The following JAK2 variants were observed in gnomAD, a reference collection of about 807,000 sequenced individuals.
JAK2 encodes the protein Janus kinase 2, also known as tyrosine-protein kinase JAK2.
Under a neutral mutation model 139.3 loss-of-function variants are expected in JAK2, and 86 were observed. That is an observed-to-expected ratio of 0.62 (90% CI 0.52 to 0.74). The LOEUF is 0.74. Ranked by LOEUF, JAK2 falls within the 30% of genes least tolerant of loss-of-function variation. The pLI is 0.00. For missense variants in JAK2, 1,421 were observed against 1,360.3 expected (o/e 1.04, Z -0.70); for synonymous variants, 490 against 437.7 (o/e 1.12, Z -1.49).
intron 10 of JAK2, among the ~76,000 whole-genome samples, chr9:5,068,378 A>G (rs1818713715): frequency 6.6e-6 from 1 of 152,184 alleles, no homozygotes; most frequent in South Asian, 2.1e-4. Context: ...AATATTAAAG[A>G]TAATTATACA....
chr9:4,999,459 A>G (rs900055528), intron 2 of JAK2, among the ~76,000 whole-genome samples: 1 of 152,218 alleles, frequency 6.6e-6, no homozygotes, highest in African/African-American at 2.4e-5. Flanking sequence ...AGGGGCAAAA[A>G]AGATTACAAA....
chr9:5,017,534 G>C (rs537608873), intron 2 of JAK2, among the ~76,000 whole-genome samples: 1 of 151,922 alleles, frequency 6.6e-6, no homozygotes, highest in African/African-American at 2.4e-5. Flanking sequence ...TTAGCTTTGG[G>C]CTTTGTTCTT....
intron 2 of JAK2, among the ~76,000 whole-genome samples, chr9:4,996,102 T>G (rs1820543966): frequency 6.6e-6 from 1 of 152,200 alleles, no homozygotes; most frequent in Non-Finnish European, 1.5e-5. Context: ...AATTATTAGA[T>G]CTGTGGTTAA....
At chr9:5,040,124 G>T (rs975667323) in intron 4 of JAK2, among the ~76,000 whole-genome samples, 4 of 152,196 alleles carry the variant, frequency 2.6e-5, no homozygotes, top group Non-Finnish European at 4.4e-5. Context: ...TTAATGGAAA[G>T]GAATTGACAG....
At chr9:5,078,649 G>A (rs1340207593) in intron 16 of JAK2, among the ~76,000 whole-genome samples, 1 of 152,038 alleles carries the variant, frequency 6.6e-6, no homozygotes, top group Admixed American at 6.5e-5. Context: ...TGGACTGTGA[G>A]GTGATTTTTT....
chr9:5,123,749 C>G (rs547597441), intron 23 of JAK2, among the ~76,000 whole-genome samples: 1 of 152,016 alleles, frequency 6.6e-6, no homozygotes, highest in Non-Finnish European at 1.5e-5. Flanking sequence ...AGAGGTTGTA[C>G]AAATGCACAT....
rs771958824 is a variant in JAK2, at chr9:5,126,742, G to A, written c.3350G>A (p.Arg1117Lys). 4.3e-6 allele frequency: 7 copies of A among 1,610,936 alleles called. No homozygotes were observed. The Admixed American group carries it at 1.2e-4, about 27-fold the overall frequency. ...AATGTAAATCAACGCCCCTCCTTTA[G>A]GGATCTAGCTCTTCGAGTGGATCAA... ...NNNVNQRPSF[R>K]DLALRVDQIR... is the part of the protein sequence containing the mutation. The change falls in exon 25 of 25, where the codon AGG (arginine) becomes AAG (lysine). Residue 1117 changes from arginine to lysine, a missense_variant. Arg to Lys is a conservative substitution (Grantham distance 26). Transcript: ENST00000381652.
intron 12 of JAK2, among the ~76,000 whole-genome samples, chr9:5,071,808 T>G (rs1818966891): frequency 1.3e-5 from 2 of 152,154 alleles, no homozygotes. Context: ...ACATTACAAA[T>G]CTAATAAATA....
intron 4 of JAK2, chr9:5,041,551 A>G (rs1366013916): frequency 1.9e-6 from 1 of 530,788 alleles, no homozygotes; most frequent in Non-Finnish European, 3.8e-6. Flanking sequence ...AACTTCCCAG[A>G]GGAGATGGCT....
intron 22 of JAK2, among the ~76,000 whole-genome samples, chr9:5,104,720 C>T (rs563597856): frequency 4.6e-5 from 7 of 152,166 alleles, no homozygotes; most frequent in East Asian, 3.8e-4. Context: ...ACGATCAAGT[C>T]GGCTTCATCC....
intron 8 of JAK2, among the ~76,000 whole-genome samples, chr9:5,056,320 A>G (rs1817759825): frequency 6.6e-6 from 1 of 152,110 alleles, no homozygotes; most frequent in African/African-American, 2.4e-5. Flanking sequence ...TAATGTAAAT[A>G]GGAGAAATGA....
intron 22 of JAK2, among the ~76,000 whole-genome samples, chr9:5,093,596 C>A (rs567009182): frequency 6.6e-6 from 1 of 152,148 alleles, no homozygotes; most frequent in African/African-American, 2.4e-5. Context: ...AACCTACTAT[C>A]TCTGCATTAA....
rs368927897 is a variant in JAK2 at position 5,072,541 on chromosome 9, G to T, written c.1691G>T (p.Arg564Leu). The change falls in exon 13 of 25, where the codon CGA (arginine) becomes CTA (leucine). Residue 564 changes from arginine to leucine, a missense_variant. Transcript: ENST00000381652. ...TTTACAAAGATTTTTAAAGGCGTAC[G>T]AAGAGAAGTAGGAGACTACGGTCAA... ...GTFTKIFKGV[R>L]REVGDYGQLH... The T allele has an allele frequency of 6.6e-5, 106 of 1,608,098 alleles. No individual in the cohort carries two copies. Among genetic ancestry groups the T allele is most frequent in the Middle Eastern group, 5.0e-4 (3 of 6,060 alleles).
At chr9:5,114,112 C>G in intron 22 of JAK2, 1 of 358,048 alleles carries the variant, frequency 2.8e-6, no homozygotes, top group Non-Finnish European at 5.6e-6. Flanking sequence ...CACACCTACA[C>G]CTGCCAGGTC....
chr9:4,989,796 T>G (rs1013029521), intron 2 of JAK2, among the ~76,000 whole-genome samples: 1 of 152,170 alleles, frequency 6.6e-6, no homozygotes, highest in Admixed American at 6.5e-5. Flanking sequence ...AGTACATAAA[T>G]AACTTGACTG....
rs578259798 is a variant in JAK2 at position 5,082,290 on chromosome 9, A to C, written c.2571+429A>C. On this transcript the variant is annotated intron_variant, in intron 19 of 24. Coordinates refer to ENST00000381652, the MANE Select transcript of JAK2 (RefSeq NM_004972.4). ...ATAGTGGGGAGAAGGTCAGCAAGAAAACATGTGAGGAAAGGAATCTGTGTC... is the reference window on the plus strand; with the variant it reads ...ATAGTGGGGAGAAGGTCAGCAAGAACACATGTGAGGAAAGGAATCTGTGTC... Among the ~76,000 whole-genome samples, 19 of 152,344 alleles carry C rather than the reference A, an allele frequency of 1.2e-4. 1 individual carries two copies. The highest frequency in any genetic ancestry group is 4.3e-4 in the African/African-American group (18 of 41,574).
intron 19 of JAK2, among the ~76,000 whole-genome samples, chr9:5,083,186 C>G (rs1241371631): frequency 6.8e-6 from 1 of 147,510 alleles, no homozygotes; most frequent in Admixed American, 6.7e-5. Context: ...GCCTTTCTGC[C>G]TTTAGTTATC....
At chr9:5,041,084 A>G (rs1816467617) in intron 4 of JAK2, 8 of 705,396 alleles carry the variant, frequency 1.1e-5, no homozygotes, top group Admixed American at 1.1e-4. Context: ...ACTACCTACT[A>G]CAGCCTGGAG....
chr9:5,065,066 AT>A (rs2130494246), intron 9 of JAK2, 26 bp downstream of exon 9: 1 of 1,456,000 alleles, frequency 6.9e-7, no homozygotes, highest in South Asian at 1.4e-5. Flanking sequence ...TTAAAAGTAA[AT>A]TTTTAGAAAA....
Sources: gnomAD v4.1 joint callset for allele counts (sites outside exome capture counted in the v4.1 genomes callset) on GRCh38, gnomAD v4.1.1 for gene constraint, MANE v1.5 for transcripts, NCBI Gene and HGNC (gene_info 2026-07-23, HGNC 2026-07-21) for gene names.